SLC44A2: variants seen among roughly 807,000 people sequenced by gnomAD.
SLC44A2 encodes the protein solute carrier family 44 member 2 (CTL2 blood group).
A neutral mutation model predicts 90.8 loss-of-function variants in SLC44A2; 57 were observed. That is an observed-to-expected ratio of 0.63 (90% confidence interval 0.51 to 0.78). SLC44A2 has a LOEUF of 0.78. Among genes scored for constraint, SLC44A2 ranks in the 30% least tolerant of loss-of-function variants. The pLI, the probability that SLC44A2 is intolerant of heterozygous loss-of-function variation, is 0.00. For missense variants in SLC44A2, 794 were observed against 919.7 expected (o/e 0.86, Z 1.77); for synonymous variants, 355 against 360.7 (o/e 0.98, Z 0.18).
chr19:10,625,067 G>A (rs79540041), upstream of SLC44A2, among the ~76,000 whole-genome samples: 5 of 151,998 alleles, frequency 3.3e-5, no homozygotes, highest in Admixed American at 3.3e-4. Context: ...CAGGGAGGTC[G>A]AGACTGCGAT....
chr19:10,609,835 C>T (rs1007807124), intron 1 of SLC44A2, among the ~76,000 whole-genome samples: 1 of 152,026 alleles, frequency 6.6e-6, no homozygotes, highest in South Asian at 2.1e-4. Flanking sequence ...GAGACAGAAT[C>T]TGTCTCTGTT....
chr19:10,625,729 C>T, intron 1 of SLC44A2, 59 bp downstream of exon 1: 6 of 1,213,840 alleles, frequency 4.9e-6, no homozygotes, highest in Non-Finnish European at 6.2e-6. Flanking sequence ...CGGAGGGGGC[C>T]TTGAGAGAAC....
chr19:10,642,581 C>G, intron 21 of SLC44A2, 130 bp downstream of exon 21: 1 of 880,274 alleles, frequency 1.1e-6, no homozygotes. Flanking sequence ...TGTCCCTCGT[C>G]CTGGGTCCCC....
At chr19:10,625,806 C>A in intron 1 of SLC44A2, 136 bp downstream of exon 1, 1 of 762,750 alleles carries the variant, frequency 1.3e-6, no homozygotes, top group Non-Finnish European at 1.8e-6. Context: ...GCCTCCCCAC[C>A]ATCAGCCAGG....
chr19:10,615,211 AT>A (rs2066846145), intron 1 of SLC44A2, among the ~76,000 whole-genome samples: 1 of 151,574 alleles, frequency 6.6e-6, no homozygotes, highest in African/African-American at 2.4e-5. Flanking sequence ...CAGGTGGATC[AT>A]TTGAGGTCAG....
At chr19:10,642,260 G>A in intron 20 of SLC44A2, 107 bp from the exon 21 acceptor site, 1 of 893,144 alleles carries the variant, frequency 1.1e-6, no homozygotes, top group Non-Finnish European at 1.8e-6. Context: ...TCCAAAGAGG[G>A]TTTCTCAGCA....
At chr19:10,641,414 A>G in intron 20 of SLC44A2, 2 of 450,228 alleles carry the variant, frequency 4.4e-6, no homozygotes, top group Admixed American at 2.4e-5. Context: ...CAAAAAAAAA[A>G]CGCCCACTCT....
At chr19:10,632,933 A>G (rs933431961) in intron 10 of SLC44A2, among the ~76,000 whole-genome samples, 10 of 151,858 alleles carry the variant, frequency 6.6e-5, no homozygotes, top group African/African-American at 2.2e-4. Flanking sequence ...CAGCCTCCCA[A>G]AGTGCTAGGA....
chr19:10,623,728 C>T (rs1283976153), upstream of SLC44A2, among the ~76,000 whole-genome samples: 5 of 149,974 alleles, frequency 3.3e-5, no homozygotes, highest in Admixed American at 6.7e-5. Context: ...CTCGCTCTGT[C>T]GCCCAGGCTG....
chr19:10,603,380 A>G (rs977466598), intron 1 of SLC44A2, among the ~76,000 whole-genome samples: 2 of 152,042 alleles, frequency 1.3e-5, no homozygotes, highest in Non-Finnish European at 2.9e-5. Context: ...CCAAGACCCA[A>G]CGGAGCCCCA....
At chr19:10,620,641 C>T (rs773142902), upstream of SLC44A2, among the ~76,000 whole-genome samples, 2 of 152,024 alleles carry the variant, frequency 1.3e-5, no homozygotes, top group African/African-American at 4.8e-5. Context: ...ATACTGGGGA[C>T]GCAGCCGGAA....
intron 10 of SLC44A2, among the ~76,000 whole-genome samples, chr19:10,632,860 T>C (rs937214653): frequency 2.0e-5 from 3 of 151,542 alleles, no homozygotes; most frequent in African/African-American, 7.3e-5. Flanking sequence ...TTAGTAGAGA[T>C]GGGGTTTCTC....
chr19:10,631,781 C>T (rs1400774071), intron 8 of SLC44A2, 32 bp downstream of exon 8: 7 of 1,614,098 alleles, frequency 4.3e-6, no homozygotes, highest in Non-Finnish European at 5.9e-6. Flanking sequence ...GCCAGGGTCT[C>T]ACTTTGCTGG....
rs1417077013 is a variant in SLC44A2, at chr19:10,636,599, G to A, written c.1496+14G>A. On this transcript the variant is annotated intron_variant, in intron 15 of 21. Coordinates refer to ENST00000335757, the MANE Select transcript of SLC44A2 (RefSeq NM_020428.4). ...CCGGGCGCTCAGGTGGGCTGGCGTTGCAGGCAGGATGGGGTGGAGGACGAG... is the reference window on the plus strand; with the variant it reads ...CCGGGCGCTCAGGTGGGCTGGCGTTACAGGCAGGATGGGGTGGAGGACGAG... 1.9e-6 allele frequency: 3 copies of A among 1,604,200 alleles called. No homozygotes were observed. In the African/African-American group the frequency reaches 4.0e-5, roughly 21 times the overall value.
rs943932951 is a variant in SLC44A2, at chr19:10,606,497, G to A, written c.31+3936G>A. 5.9e-5 allele frequency among the ~76,000 whole-genome samples: 9 copies of A among 152,182 alleles called. No homozygotes were observed. In the East Asian group the frequency reaches 7.7e-4, roughly 13 times the overall value. On this transcript the variant is annotated intron_variant, in intron 1 of 21. Transcript: ENST00000407327. ...TCGAGACCAGCCTGACCAACATGGC[G>A]AAACCCTGTCTCTACTAAAAATACA...
chr19:10,631,151 TC>T lies in SLC44A2; in HGVS notation c.330+14del. 6.2e-7 allele frequency: 1 copy of T among 1,612,056 alleles called. No homozygotes were observed. The highest frequency in any genetic ancestry group is 8.5e-7 in the Non-Finnish European group (1 of 1,178,292). On this transcript the variant is annotated intron_variant, in intron 5 of 21. Coordinates refer to ENST00000335757, the MANE Select transcript of SLC44A2 (RefSeq NM_020428.4). The stretch of plus-strand genomic sequence containing the variant: ...ATGTCCCACTCCCCAGGTAACCTGG[TC>T]CCCACCGTTCCCTTTTTCCTCTCCC...
Position 10,636,580 on chromosome 19 carries a change from G to T in SLC44A2, c.1491G>T (p.Ala497=). 6.2e-7 allele frequency: 1 copy of T among 1,603,902 alleles called. No individual in the cohort carries two copies. Among genetic ancestry groups the T allele is most frequent in the East Asian group, 2.2e-5 (1 of 44,744 alleles). Residue 497 remains alanine, a synonymous_variant, in exon 15 of 22, where the codon GCG becomes GCT. Coordinates refer to ENST00000335757, the MANE Select transcript of SLC44A2 (RefSeq NM_020428.4). ...AFPLFSAFGR[A]LRYHTGSLAF... is the part of the protein sequence containing the mutation. ...CGCTCTTCTCTGCCTTTGGCCGGGC[G>T]CTCAGGTGGGCTGGCGTTGCAGGCA...
At chr19:10,625,699 G>A (rs980718365) in intron 1 of SLC44A2, 29 bp downstream of exon 1, 1 of 1,246,636 alleles carries the variant, frequency 8.0e-7, no homozygotes, top group East Asian at 3.1e-5. Flanking sequence ...CCGTAGCCCC[G>A]GGCCGACCCC....
At position 10,631,748 on chromosome 19, in the gene SLC44A2, A is replaced by T. The variant is rs2066997657; in HGVS notation, c.625A>T (p.Lys209Ter). The T allele has an allele frequency of 1.2e-6, 2 of 1,613,548 alleles. No homozygotes were observed. Among genetic ancestry groups the T allele is most frequent in the African/African-American group, 1.3e-5 (1 of 74,944 alleles). The change falls in exon 8 of 22, where the codon AAG (lysine) becomes TAG (stop). Residue 209 changes from lysine to a stop codon, truncating the protein, a stop_gained and splice_region_variant. Transcript: ENST00000335757. LOFTEE classifies it high-confidence loss of function. The stretch of plus-strand genomic sequence containing the variant: ...CATCACAGACCTGGTGGAGGGCGCC[A>T]AGTGAGGATATTGGCGCACCGCGCC... Reference protein sequence around the residue: ...KNITDLVEGAKKANGVLEARQ... With the variant: ...KNITDLVEGA
Sources: allele counts gnomAD v4.1 joint callset (sites outside exome capture counted in the v4.1 genomes callset), GRCh38; gene constraint gnomAD v4.1.1; transcripts MANE v1.5; gene names NCBI Gene and HGNC (gene_info 2026-07-23, HGNC 2026-07-21).